Variants in PLSCR4 observed in about 807,000 individuals in gnomAD.
PLSCR4 encodes the protein Ca(2+)-dependent phospholipid scramblase 4.
PLSCR4 carries 25 observed loss-of-function variants against 36.3 expected under a neutral mutation model. The observed-to-expected ratio is 0.69, with a 90% CI of 0.50 to 0.96. The LOEUF (loss-of-function observed/expected upper bound fraction) is 0.96. Ranked by LOEUF, PLSCR4 falls within the 40% of genes least tolerant of loss-of-function variation. PLSCR4 has a pLI of 0.00. For synonymous variants in PLSCR4, 122 were observed against 132.9 expected, an observed-to-expected ratio of 0.92 and a Z score of 0.56; for missense variants, 408 against 414.7, an observed-to-expected ratio of 0.98 and a Z score of 0.14.
At chr3:146,242,846 A>C (rs1221138212) in intron 1 of PLSCR4, among the ~76,000 whole-genome samples, 1 of 152,170 alleles carries the variant, frequency 6.6e-6, no homozygotes, top group East Asian at 1.9e-4. Flanking sequence ...GAGGATCCCA[A>C]AATAAAGAAC....
chr3:146,239,519 CAA>C (rs34713180), intron 1 of PLSCR4, among the ~76,000 whole-genome samples: 63,639 of 110,298 alleles, frequency 0.58, 17,957 homozygotes, highest in Non-Finnish European at 0.7. Flanking sequence ...CATCCACATA[CAA>C]AAAAAAAAAA....
chr3:146,214,972 G>T (rs2034826138), intron 3 of PLSCR4, among the ~76,000 whole-genome samples: 1 of 151,892 alleles, frequency 6.6e-6, no homozygotes, highest in African/African-American at 2.4e-5. Flanking sequence ...GTGTATATAT[G>T]AATACACTCA....
chr3:146,226,262 T>C (rs150168805), intron 1 of PLSCR4, among the ~76,000 whole-genome samples: 30 of 152,354 alleles, frequency 2.0e-4, no homozygotes, highest in African/African-American at 5.8e-4. Context: ...TGTTTAAATA[T>C]GCATATTTAT....
Position 146,194,205 on chromosome 3 carries a change from C to G in PLSCR4, c.*206G>C. On this transcript the variant is annotated 3_prime_UTR_variant, in exon 9 of 9. Coordinates refer to ENST00000354952, the MANE Select transcript of PLSCR4 (RefSeq NM_020353.3). ...AGTCACAGCTTTTCAGGATGAACTC[C>G]TATTCTACTAGAGAGATACTCAATT... 2 of 522,942 alleles carry G rather than the reference C, an allele frequency of 3.8e-6. No individual in the cohort carries two copies. Among genetic ancestry groups the G allele is most frequent in the Admixed American group, 3.4e-5 (1 of 29,226 alleles). The allele number at this position is 522,942 out of a possible 1,614,324, so 32.4% of individuals were successfully genotyped here.
At chr3:146,233,609 T>G (rs2035804877) in intron 1 of PLSCR4, among the ~76,000 whole-genome samples, 2 of 152,240 alleles carry the variant, frequency 1.3e-5, no homozygotes, top group East Asian at 3.9e-4. Context: ...TAGATATGAA[T>G]TAGTAAACAT....
At chr3:146,201,312 A>T (rs970747481) in intron 4 of PLSCR4, among the ~76,000 whole-genome samples, 2 of 152,058 alleles carry the variant, frequency 1.3e-5, no homozygotes, top group South Asian at 2.1e-4. Context: ...GTACCACTTT[A>T]AAAAAGTTGT....
chr3:146,203,610 A>G (rs2034159682), intron 4 of PLSCR4, among the ~76,000 whole-genome samples: 1 of 151,998 alleles, frequency 6.6e-6, no homozygotes, highest in Non-Finnish European at 1.5e-5. Flanking sequence ...TTGCACTTCT[A>G]TGTTACAAAA....
chr3:146,201,091 ACAAAG>A lies in PLSCR4; in HGVS notation c.355-19_355-15del. On this transcript the variant is annotated splice_polypyrimidine_tract_variant and intron_variant, in intron 4 of 8. Transcript: ENST00000354952. ...TATGTTGTCCAACTGTTGGGATAAA[ACAAAG>A]CAATCAGAAGACAGAAATAACAGAA... The A allele has an allele frequency of 1.3e-6, 2 of 1,523,450 alleles. No individual in the cohort carries two copies. Among genetic ancestry groups the A allele is most frequent in the Non-Finnish European group, 1.8e-6 (2 of 1,139,568 alleles). 94.4% of individuals were successfully genotyped at this position (1,523,450 alleles called of 1,614,324 possible). A position where few individuals can be genotyped will look rare whatever the true frequency, so the allele number is the denominator to read the frequency against.
rs2033481638 is a variant in PLSCR4 at position 146,192,942 on chromosome 3, G to A, written c.*1469C>T. 1 of 151,938 alleles carries A rather than the reference G, an allele frequency of 6.6e-6. No homozygotes were observed. The highest frequency in any genetic ancestry group is 2.1e-4 in the South Asian group (1 of 4,826). 9.4% of individuals were successfully genotyped at this position (151,938 alleles called of 1,614,324 possible). ...AGCACCTTTCATTTCAAAAAGAACT[G>A]TAGGCTAAGACCCTCATCTCAGAAT... On this transcript the variant is annotated 3_prime_UTR_variant, in exon 9 of 9. Transcript: ENST00000354952.
At chr3:146,229,018 T>C (rs2035587708) in intron 1 of PLSCR4, among the ~76,000 whole-genome samples, 1 of 152,224 alleles carries the variant, frequency 6.6e-6, no homozygotes. Context: ...TAGATGTTCC[T>C]AAATGTCTGA....
At chr3:146,225,998 C>G (rs778804952) in intron 1 of PLSCR4, among the ~76,000 whole-genome samples, 1 of 152,136 alleles carries the variant, frequency 6.6e-6, no homozygotes, top group East Asian at 1.9e-4. Flanking sequence ...TATGATTCCA[C>G]GTAAGAATGT....
chr3:146,217,929 A>G (rs1416475736), intron 3 of PLSCR4, among the ~76,000 whole-genome samples: 1 of 152,182 alleles, frequency 6.6e-6, no homozygotes, highest in Non-Finnish European at 1.5e-5. Context: ...AAGATCACTT[A>G]GAAGAGTGTG....
chr3:146,198,094 A>G (rs2033846744), intron 6 of PLSCR4, among the ~76,000 whole-genome samples: 1 of 152,176 alleles, frequency 6.6e-6, no homozygotes, highest in Non-Finnish European at 1.5e-5. Flanking sequence ...TACATACTAT[A>G]TGATTCTGCT....
chr3:146,224,206 A>G (rs1397816797), intron 1 of PLSCR4, among the ~76,000 whole-genome samples: 2 of 152,180 alleles, frequency 1.3e-5, no homozygotes, highest in African/African-American at 4.8e-5. Flanking sequence ...TAAAAGAATG[A>G]AAACTTGCCT....
intron 3 of PLSCR4, among the ~76,000 whole-genome samples, chr3:146,218,423 T>C (rs1014358046): frequency 5.3e-5 from 8 of 151,826 alleles, no homozygotes; most frequent in African/African-American, 1.9e-4. Flanking sequence ...AATTTGAAGA[T>C]CAATAAATCA....
chr3:146,223,290 A>G (rs536357069), intron 1 of PLSCR4, among the ~76,000 whole-genome samples: 1 of 152,306 alleles, frequency 6.6e-6, no homozygotes, highest in South Asian at 2.1e-4. Context: ...GAATTTCAAT[A>G]TATCTGAATT....
chr3:146,215,036 T>G (rs1423685793), intron 3 of PLSCR4, among the ~76,000 whole-genome samples: 1 of 152,150 alleles, frequency 6.6e-6, no homozygotes, highest in Non-Finnish European at 1.5e-5. Flanking sequence ...TTATCTCTAG[T>G]AATAATTTTT....
intron 1 of PLSCR4, among the ~76,000 whole-genome samples, chr3:146,249,297 A>C (rs2036461486): frequency 6.6e-6 from 1 of 152,116 alleles, no homozygotes. Flanking sequence ...TAAACTAGTA[A>C]GCCATCTAGA....
chr3:146,223,880 T>C (rs1186157263), intron 1 of PLSCR4: 1 of 147,240 alleles, frequency 6.8e-6, no homozygotes, highest in African/African-American at 2.5e-5. Context: ...ATATATTATA[T>C]ATTTTTACAT....
Sources: allele counts gnomAD v4.1 joint callset (sites outside exome capture counted in the v4.1 genomes callset), GRCh38; gene constraint gnomAD v4.1.1; transcripts MANE v1.5; gene names NCBI Gene and HGNC (gene_info 2026-07-23, HGNC 2026-07-21).